Variants in ABCG1 observed in about 807,000 individuals in gnomAD.
ABCG1 encodes the protein ATP binding cassette subfamily G member 1.
A neutral mutation model predicts 69.2 loss-of-function variants in ABCG1; 29 were observed. The ratio of observed to expected loss-of-function variants is 0.42; its 90% CI spans 0.31 to 0.57. The LOEUF (loss-of-function observed/expected upper bound fraction) is 0.57, where lower values mean the gene tolerates loss of function less well. Among genes scored for constraint, ABCG1 ranks in the 20% least tolerant of loss-of-function variants. ABCG1 has a pLI of 0.15. For missense variants in ABCG1, 718 were observed against 898.1 expected (o/e 0.80, Z 2.56); for synonymous variants, 370 against 374.8 (o/e 0.99, Z 0.15).
Position 42,291,359 on chromosome 21 carries a change from C to T in ABCG1, c.1495-139C>T. On this transcript the variant is annotated intron_variant, in intron 12 of 14. Coordinates refer to ENST00000398449, the MANE Select transcript of ABCG1 (RefSeq NM_016818.3). The surrounding 1 kb of genome is among the most constrained non-coding windows in gnomAD (Gnocchi z 6.4). ...CTGACTTCGGGAGCTGTGGCGGGAGCTGTGGGGAGTGGGGAAGGACCCGAC... is the reference window on the plus strand; with the variant it reads ...CTGACTTCGGGAGCTGTGGCGGGAGTTGTGGGGAGTGGGGAAGGACCCGAC... 8.0e-7 allele frequency: 1 copy of T among 1,253,518 alleles called. No homozygotes were observed. The highest frequency in any genetic ancestry group is 1.1e-6 in the Non-Finnish European group (1 of 897,528). The allele number at this position is 1,253,518 out of a possible 1,614,324, so 77.6% of individuals were successfully genotyped here.
chr21:42,202,463 G>A (rs1242860624), intron 2 of ABCG1, among the ~76,000 whole-genome samples: 1 of 152,000 alleles, frequency 6.6e-6, no homozygotes, highest in Non-Finnish European at 1.5e-5. Flanking sequence ...AGTGAAAACC[G>A]GGGGCCGGCA....
At chr21:42,247,781 G>A (rs2090940036) in intron 2 of ABCG1, among the ~76,000 whole-genome samples, 1 of 152,204 alleles carries the variant, frequency 6.6e-6, no homozygotes, top group South Asian at 2.1e-4. Flanking sequence ...AGAAGAAAAA[G>A]TCACAGAGAT....
rs924117545 is a variant in ABCG1, at chr21:42,220,854, G to C, written c.42+1550G>C. Among the ~76,000 whole-genome samples the C allele has an allele frequency of 2.8e-4, 42 of 152,226 alleles. 1 individual carries two copies. Among genetic ancestry groups the C allele is most frequent in the Admixed American group, 2.7e-3 (41 of 15,284 alleles). On this transcript the variant is annotated intron_variant, in intron 1 of 14. Transcript: ENST00000398449. ...TTGATGTTAGTTGCAGGTAGAGAAAGTTATAGATCTTGTATTAGATGCTAG... is the reference window on the plus strand; with the variant it reads ...TTGATGTTAGTTGCAGGTAGAGAAACTTATAGATCTTGTATTAGATGCTAG...
chr21:42,256,901 G>C (rs1318245625), intron 2 of ABCG1, among the ~76,000 whole-genome samples: 3 of 152,234 alleles, frequency 2.0e-5, no homozygotes, highest in South Asian at 2.1e-4. Flanking sequence ...GAAATGAAGA[G>C]AGACCCCTCT....
chr21:42,210,911 C>CAAAATAGG (rs1321392763), intron 2 of ABCG1, among the ~76,000 whole-genome samples: 1 of 151,722 alleles, frequency 6.6e-6, no homozygotes, highest in Admixed American at 6.6e-5. Flanking sequence ...AGAGTGCCAG[C>CAAAATAGG]AAAATAGGAA....
At chr21:42,250,116 G>C (rs2068196349) in intron 2 of ABCG1, among the ~76,000 whole-genome samples, 1 of 152,026 alleles carries the variant, frequency 6.6e-6, no homozygotes, top group African/African-American at 2.4e-5. Context: ...TGCAGGGGGA[G>C]GGGGCGTTTA....
At chr21:42,212,172 A>G (rs1279998922), upstream of ABCG1, among the ~76,000 whole-genome samples, 2 of 152,180 alleles carry the variant, frequency 1.3e-5, no homozygotes, top group African/African-American at 2.4e-5. Flanking sequence ...TACGCAGTCT[A>G]AGGTATTTTG....
chr21:42,218,762 C>CCCT (rs1419127655), upstream of ABCG1, among the ~76,000 whole-genome samples: 1 of 152,140 alleles, frequency 6.6e-6, no homozygotes, highest in Non-Finnish European at 1.5e-5. Flanking sequence ...AGCCCCCTGG[C>CCCT]CCTCACTCTC....
At chr21:42,231,858 T>C (rs1314630102) in intron 2 of ABCG1, among the ~76,000 whole-genome samples, 1 of 152,228 alleles carries the variant, frequency 6.6e-6, no homozygotes, top group African/African-American at 2.4e-5. Flanking sequence ...CCACAGGACA[T>C]TTCTTTTAGT....
intron 2 of ABCG1, among the ~76,000 whole-genome samples, chr21:42,254,984 G>A (rs1401779809): frequency 1.3e-5 from 2 of 152,224 alleles, no homozygotes; most frequent in African/African-American, 2.4e-5. Context: ...GAGACTTGGA[G>A]ATCATTTGGC....
chr21:42,291,725 TA>T lies in ABCG1; in HGVS notation c.1653+70del. On this transcript the variant is annotated intron_variant, in intron 13 of 14. Coordinates refer to ENST00000398449, the MANE Select transcript of ABCG1 (RefSeq NM_016818.3). The surrounding 1 kb of genome is among the most constrained non-coding windows in gnomAD (Gnocchi z 6.4). ...TTCCCTGAGCTACCTTGGCCTGAGC[TA>T]GGGGGCTCTGCCACCCCTTCCCCTA... 1 of 1,472,404 alleles carries T rather than the reference TA, an allele frequency of 6.8e-7. No homozygotes were observed. Among genetic ancestry groups the T allele is most frequent in the Non-Finnish European group, 9.0e-7 (1 of 1,108,254 alleles). The allele number at this position is 1,472,404 out of a possible 1,614,324, so 91.2% of individuals were successfully genotyped here.
In ABCG1 at chr21:42,219,922, C is replaced by T; in HGVS notation, c.42+618C>T. On this transcript the variant is annotated intron_variant, in intron 1 of 14. Coordinates refer to ENST00000398449, the MANE Select transcript of ABCG1 (RefSeq NM_016818.3). The surrounding 1 kb of genome is among the most constrained non-coding windows in gnomAD (Gnocchi z 5.3). ...CGCGAGGGGCAAGCCCGGATTCCTG[C>T]CGGCCGCCTTTCTGCGCGCGCCGGA... The T allele has an allele frequency of 1.3e-6, 2 of 1,550,240 alleles. No homozygotes were observed. The highest frequency in any genetic ancestry group is 1.4e-5 in the African/African-American group (1 of 73,138).
At chr21:42,236,995 C>G (rs538361924) in intron 2 of ABCG1, among the ~76,000 whole-genome samples, 17 of 152,294 alleles carry the variant, frequency 1.1e-4, no homozygotes, top group African/African-American at 4.1e-4. Context: ...AGAAAATGGC[C>G]GTGTCCTGAA....
chr21:42,206,877 T>A, intron 2 of ABCG1: 1 of 151,880 alleles, frequency 6.6e-6, no homozygotes, highest in East Asian at 1.9e-4. Flanking sequence ...TGGCCAGTTT[T>A]TTTTTTTTTT....
chr21:42,258,948 T>A (rs1047788642), intron 2 of ABCG1, among the ~76,000 whole-genome samples: 3 of 152,230 alleles, frequency 2.0e-5, no homozygotes, highest in Admixed American at 6.5e-5. Flanking sequence ...GTTTGAGTCG[T>A]TCACTCCAGA....
At chr21:42,282,449 A>G (rs2068829536) in intron 6 of ABCG1, 30 bp downstream of exon 6, 1 of 1,594,262 alleles carries the variant, frequency 6.3e-7, no homozygotes. Flanking sequence ...GCTGGTGTCC[A>G]GGGGCAGGAA....
chr21:42,208,801 T>C (rs373709616), intron 2 of ABCG1, among the ~76,000 whole-genome samples: 9 of 152,402 alleles, frequency 5.9e-5, no homozygotes, highest in East Asian at 3.9e-4. Context: ...TCTTTTTTTC[T>C]TTTTTAAAAT....
chr21:42,211,170 G>A (rs944233881), upstream of ABCG1, among the ~76,000 whole-genome samples: 7 of 152,062 alleles, frequency 4.6e-5, no homozygotes, highest in Non-Finnish European at 8.8e-5. Context: ...GCGTTGGCCA[G>A]GATGGTCTCA....
At chr21:42,248,902 C>CAAAAA (rs71332356) in intron 2 of ABCG1, among the ~76,000 whole-genome samples, 3 of 91,066 alleles carry the variant, frequency 3.3e-5, no homozygotes, top group Non-Finnish European at 6.6e-5. Context: ...AGACCTCTCT[C>CAAAAA]AAAAAAAAAA....
Sources: allele counts gnomAD v4.1 joint callset (sites outside exome capture counted in the v4.1 genomes callset), GRCh38; gene constraint gnomAD v4.1.1; non-coding constraint Gnocchi (gnomAD v3.1); transcripts MANE v1.5; gene names NCBI Gene and HGNC (gene_info 2026-07-23, HGNC 2026-07-21).